ARHGAP39: variants seen among roughly 807,000 people sequenced by gnomAD.
The protein encoded by ARHGAP39 is rho GTPase-activating protein 39.
A neutral mutation model predicts 106.9 loss-of-function variants in ARHGAP39; 44 were observed. That is an observed-to-expected ratio of 0.41 (90% CI 0.32 to 0.53). The LOEUF (loss-of-function observed/expected upper bound fraction) is 0.53. Ranked by LOEUF, ARHGAP39 falls within the 20% of genes least tolerant of loss-of-function variation. The pLI, the probability that ARHGAP39 is intolerant of heterozygous loss-of-function variation, is 0.21. For missense variants in ARHGAP39, 1,496 were observed against 1,577.3 expected, an observed-to-expected ratio of 0.95 and a Z score of 0.87; for synonymous variants, 768 against 693.2, an observed-to-expected ratio of 1.11 and a Z score of -1.69.
intron 6 of ARHGAP39, among the ~76,000 whole-genome samples, chr8:144,540,234 CA>C (rs1355609937): frequency 6.6e-6 from 1 of 152,060 alleles, no homozygotes; most frequent in African/African-American, 2.4e-5. Context: ...TTCATCTCTC[CA>C]AAAAAATTAC....
At chr8:144,533,446 C>T in intron 8 of ARHGAP39, 121 bp from the exon 9 acceptor site, 1 of 992,956 alleles carries the variant, frequency 1.0e-6, no homozygotes, top group Non-Finnish European at 1.5e-6. Context: ...CTGCCCCACA[C>T]ACCTGGGTCC....
At chr8:144,541,890 T>C (rs1209544736) in intron 6 of ARHGAP39, among the ~76,000 whole-genome samples, 1 of 152,048 alleles carries the variant, frequency 6.6e-6, no homozygotes, top group Non-Finnish European at 1.5e-5. Flanking sequence ...TGCTAGATGA[T>C]ATGGGAATTA....
In ARHGAP39 at chr8:144,547,727, TC is replaced by T; in HGVS notation, c.1358del (p.Gly453AspfsTer84). On this transcript the variant is annotated frameshift_variant, in exon 5 of 12. Transcript: ENST00000377307. LOFTEE classifies it high-confidence loss of function. This position sits in a 1 kb window ranked among gnomAD's most constrained non-coding sequence, Gnocchi z 5.2. ...VKSGDYSTME[G>X]PELRHSQPPT... Reference sequence around the variant, plus strand: ...GCGGCTGGCTGTGCCGCAGCTCAGGTCCCTCCATGGTGCTGTAGTCTCCGGA... The same window carrying T: ...GCGGCTGGCTGTGCCGCAGCTCAGGTCCTCCATGGTGCTGTAGTCTCCGGA... 1 of 1,595,442 alleles carries T rather than the reference TC, an allele frequency of 6.3e-7. No homozygotes were observed. Among genetic ancestry groups the T allele is most frequent in the Non-Finnish European group, 8.5e-7 (1 of 1,176,596 alleles).
chr8:144,546,508 C>G (rs555053167), intron 5 of ARHGAP39, among the ~76,000 whole-genome samples: 2 of 152,322 alleles, frequency 1.3e-5, no homozygotes, highest in South Asian at 4.1e-4. Flanking sequence ...AGACGCTAGG[C>G]CTGCCCTCTG....
chr8:144,534,107 G>A (rs752087172), intron 8 of ARHGAP39, 22 bp downstream of exon 8: 30 of 1,611,028 alleles, frequency 1.9e-5, no homozygotes, highest in Admixed American at 3.3e-5. Context: ...TGCCCTCCCC[G>A]GCCCCCCAGG....
At position 144,591,234 on chromosome 8, in the gene ARHGAP39, G is replaced by T. The variant is rs1819380788; in HGVS notation, c.81-9957C>A. Among the ~76,000 whole-genome samples the T allele has an allele frequency of 6.6e-6, 1 of 152,196 alleles. No individual in the cohort carries two copies. On this transcript the variant is annotated intron_variant, in intron 2 of 11. Transcript: ENST00000377307. This position sits in a 1 kb window ranked among gnomAD's most constrained non-coding sequence, Gnocchi z 5.3. ...GGAGCCTGGACCCCAATGGACAGCT[G>T]CTCTGTGCTCCCGTGAGCACAGACC...
intron 1 of ARHGAP39, among the ~76,000 whole-genome samples, chr8:144,615,859 G>A (rs1421346154): frequency 6.6e-6 from 1 of 152,234 alleles, no homozygotes; most frequent in Non-Finnish European, 1.5e-5. Flanking sequence ...GGACAGGCAC[G>A]TCCGGCATTT....
chr8:144,644,472 C>A lies in ARHGAP39; in HGVS notation c.-81-38777G>T, dbSNP rs753630700. On this transcript the variant is annotated intron_variant, in intron 1 of 11. Transcript: ENST00000377307. The surrounding 1 kb of genome is among the most constrained non-coding windows in gnomAD (Gnocchi z 4.8). ...TGCTCAACAGGAGGTGATGGCTGCACGACTCTACAAATTTACTAAAAACCA... is the reference window on the plus strand; with the variant it reads ...TGCTCAACAGGAGGTGATGGCTGCAAGACTCTACAAATTTACTAAAAACCA... Among the ~76,000 whole-genome samples, 1 of 152,038 alleles carries A rather than the reference C, an allele frequency of 6.6e-6. No homozygotes were observed. The highest frequency in any genetic ancestry group is 2.4e-5 in the African/African-American group (1 of 41,378).
intron 3 of ARHGAP39, among the ~76,000 whole-genome samples, chr8:144,571,482 T>C (rs565828218): frequency 6.6e-6 from 1 of 152,348 alleles, no homozygotes; most frequent in African/African-American, 2.4e-5. Flanking sequence ...TGATGGGACG[T>C]ATCTCAAAAT....
chr8:144,614,448 G>C (rs1236454286), intron 1 of ARHGAP39, among the ~76,000 whole-genome samples: 2 of 151,964 alleles, frequency 1.3e-5, no homozygotes, highest in African/African-American at 4.8e-5. Flanking sequence ...CGCCTCCCGG[G>C]TTCAAGTGAT....
intron 3 of ARHGAP39, among the ~76,000 whole-genome samples, chr8:144,557,208 A>T (rs1283191047): frequency 2.2e-5 from 3 of 135,980 alleles, no homozygotes; most frequent in East Asian, 2.1e-4. Flanking sequence ...TAGTATTCAG[A>T]GGCAAAGGCT....
Position 144,597,362 on chromosome 8 carries a change from G to C in ARHGAP39, c.80+8173C>G, listed in dbSNP as rs539479454. On this transcript the variant is annotated intron_variant, in intron 2 of 11. Transcript: ENST00000377307. ...CGTCTTCTCTGGGTGGGGCCGACTG[G>C]TCCTGTCTCCATCTAGAAGAGCACG... 2.6e-5 allele frequency among the ~76,000 whole-genome samples: 4 copies of C among 152,326 alleles called. No individual in the cohort carries two copies. In the South Asian group the frequency reaches 8.3e-4, roughly 32 times the overall value.
In ARHGAP39 at chr8:144,684,262, C is replaced by T. The variant is rs1412651451; in HGVS notation, c.-82+1424G>A. 6.6e-6 allele frequency among the ~76,000 whole-genome samples: 1 copy of T among 152,202 alleles called. No homozygotes were observed. On this transcript the variant is annotated intron_variant, in intron 1 of 11. Transcript: ENST00000377307. The surrounding 1 kb of genome is among the most constrained non-coding windows in gnomAD (Gnocchi z 4.4). The stretch of plus-strand genomic sequence containing the variant: ...CAGGGCGGTTTATGGAATGAGTCTC[C>T]TCGATTTACAGCCACACCTCCTATC...
chr8:144,638,377 C>G (rs977815283), intron 1 of ARHGAP39, among the ~76,000 whole-genome samples: 4 of 152,228 alleles, frequency 2.6e-5, no homozygotes, highest in Non-Finnish European at 5.9e-5. Context: ...GTTTCCATTA[C>G]CTAGGGACTC....
intron 1 of ARHGAP39, among the ~76,000 whole-genome samples, chr8:144,675,210 T>C (rs1298560354): frequency 6.6e-6 from 1 of 152,106 alleles, no homozygotes; most frequent in Admixed American, 6.5e-5. Flanking sequence ...ATTAGAATCA[T>C]ACAGTATGTC....
Position 144,547,338 on chromosome 8 carries a change from G to C in ARHGAP39, c.1748C>G (p.Ser583Cys), listed in dbSNP as rs755069825. The C allele has an allele frequency of 6.2e-7, 1 of 1,607,000 alleles. No homozygotes were observed. Among genetic ancestry groups the C allele is most frequent in the South Asian group, 1.1e-5 (1 of 90,836 alleles). Reference protein sequence around the residue: ...RSSWDSQQDGSGYESDGALPL... With the variant: ...RSSWDSQQDGCGYESDGALPL... ...CAGGGCGCCGTCGCTCTCGTAGCCA[G>C]AGCCGTCCTGCTGGGAGTCCCAGCT... Residue 583 changes from serine to cysteine, a missense_variant, in exon 5 of 12, where the codon TCT becomes TGT. Coordinates refer to ENST00000377307, the MANE Select transcript of ARHGAP39 (RefSeq NM_025251.3). This position sits in a 1 kb window ranked among gnomAD's most constrained non-coding sequence, Gnocchi z 5.2.
intron 1 of ARHGAP39, among the ~76,000 whole-genome samples, chr8:144,623,282 T>G (rs575214482): frequency 6.6e-6 from 1 of 152,286 alleles, no homozygotes; most frequent in Non-Finnish European, 1.5e-5. Context: ...AAAAAGCAAC[T>G]GGTCCTCAAA....
intron 1 of ARHGAP39, among the ~76,000 whole-genome samples, chr8:144,683,678 T>C (rs765489436): frequency 5.3e-5 from 8 of 152,126 alleles, no homozygotes; most frequent in Non-Finnish European, 8.8e-5. Flanking sequence ...AAAACAATCT[T>C]ATATAATAAT....
In ARHGAP39 at chr8:144,545,234, C is replaced by T. The variant is rs763967522; in HGVS notation, c.2521+15G>A. 75 of 1,493,312 alleles carry T rather than the reference C, an allele frequency of 5.0e-5. No homozygotes were observed. The South Asian group carries it at 7.2e-4, about 14-fold the overall frequency. The allele number at this position is 1,493,312 out of a possible 1,614,324, so 92.5% of individuals were successfully genotyped here. On this transcript the variant is annotated intron_variant, in intron 6 of 11. Coordinates refer to ENST00000377307, the MANE Select transcript of ARHGAP39 (RefSeq NM_025251.3). ...CCTTACCTGAGCTGGTGGCAAAGCCCGTGCATGGCCTTACCTTTAGTGTCA... is the reference window on the plus strand; with the variant it reads ...CCTTACCTGAGCTGGTGGCAAAGCCTGTGCATGGCCTTACCTTTAGTGTCA...
Sources: allele counts gnomAD v4.1 joint callset (sites outside exome capture counted in the v4.1 genomes callset), GRCh38; gene constraint gnomAD v4.1.1; non-coding constraint Gnocchi (gnomAD v3.1); transcripts MANE v1.5; gene names NCBI Gene and HGNC (gene_info 2026-07-23, HGNC 2026-07-21).